Variants in RNLS observed in about 807,000 individuals in gnomAD.
RNLS encodes the protein renalase, FAD dependent amine oxidase.
A neutral mutation model predicts 39.8 loss-of-function variants in RNLS; 39 were observed. That is an observed-to-expected ratio of 0.98 (90% CI 0.76 to 1.28). RNLS has a LOEUF of 1.28. RNLS is among the 50% of genes most tolerant of loss of function. The pLI is 0.00. For synonymous variants in RNLS, 147 were observed against 150.7 expected, an observed-to-expected ratio of 0.98 and a Z score of 0.18; for missense variants, 410 against 413.3, an observed-to-expected ratio of 0.99 and a Z score of 0.07.
At chr10:88,191,409 AT>A in the RNLS span, among the ~76,000 whole-genome samples, 1 of 141,526 alleles carries the variant, frequency 7.1e-6, no homozygotes, top group African/African-American at 3.1e-5. Context: ...AATTTTTTTC[AT>A]TGACAAATAA....
At chr10:88,337,389 C>G (rs1847581692) in intron 5 of RNLS, among the ~76,000 whole-genome samples, 1 of 152,194 alleles carries the variant, frequency 6.6e-6, no homozygotes, top group African/African-American at 2.4e-5. Flanking sequence ...CACCCCTCCT[C>G]TACTTTCAGC....
At chr10:88,230,062 A>G in the RNLS span, among the ~76,000 whole-genome samples, 26 of 152,216 alleles carry the variant, frequency 1.7e-4, no homozygotes, top group East Asian at 3.3e-3. Context: ...CATGACTTGG[A>G]GAAATGGAGT....
chr10:88,365,899 G>C (rs929078832), intron 4 of RNLS, among the ~76,000 whole-genome samples: 10 of 152,002 alleles, frequency 6.6e-5, no homozygotes, highest in Admixed American at 6.6e-5. Flanking sequence ...TATTCTCTTA[G>C]TTTCCAAACC....
At chr10:88,385,547 C>A (rs1211670145) in intron 4 of RNLS, among the ~76,000 whole-genome samples, 1 of 152,236 alleles carries the variant, frequency 6.6e-6, no homozygotes, top group Non-Finnish European at 1.5e-5. Flanking sequence ...GTGTTTCCAA[C>A]TTGCTAACTG....
At chr10:88,236,865 C>T in the RNLS span, among the ~76,000 whole-genome samples, 66 of 152,178 alleles carry the variant, frequency 4.3e-4, no homozygotes, top group East Asian at 1.9e-3. Context: ...GTACAAGCAT[C>T]GAGAAAGGGC....
the RNLS span, among the ~76,000 whole-genome samples, chr10:88,178,463 A>G: frequency 1.3e-5 from 2 of 152,042 alleles, no homozygotes; most frequent in Non-Finnish European, 2.9e-5. Flanking sequence ...ACTCTCCTGT[A>G]GTTATGATTG....
At chr10:88,172,842 G>GTTTGTTTTTTTTTTTTTTTT in the RNLS span, among the ~76,000 whole-genome samples, 1 of 43,778 alleles carries the variant, frequency 2.3e-5, no homozygotes. Context: ...ATTTTGAGTT[G>GTTTGTTTTTTTTTTTTTTTT]TTTTTTTTTT....
intron 4 of RNLS, among the ~76,000 whole-genome samples, chr10:88,562,780 ATAG>A (rs1849268186): frequency 6.6e-6 from 1 of 152,170 alleles, no homozygotes; most frequent in South Asian, 2.1e-4. Flanking sequence ...AAAAAAATAA[ATAG>A]TAGATACCAA....
At chr10:88,467,549 T>C (rs1843283765) in intron 4 of RNLS, among the ~76,000 whole-genome samples, 1 of 152,164 alleles carries the variant, frequency 6.6e-6, no homozygotes, top group African/African-American at 2.4e-5. Flanking sequence ...GCCTCATCAA[T>C]GACTACAGAA....
intron 4 of RNLS, among the ~76,000 whole-genome samples, chr10:88,456,035 CA>C (rs1842610661): frequency 6.6e-6 from 1 of 152,156 alleles, no homozygotes; most frequent in African/African-American, 2.4e-5. Context: ...CATTCTTTGA[CA>C]AAACCCAGTC....
At chr10:88,461,456 T>TA (rs1842931762) in intron 4 of RNLS, among the ~76,000 whole-genome samples, 1 of 152,152 alleles carries the variant, frequency 6.6e-6, no homozygotes, top group Non-Finnish European at 1.5e-5. Context: ...TCAGTAATCA[T>TA]AGATCAAAGC....
At chr10:88,468,666 C>T (rs952694495) in intron 4 of RNLS, among the ~76,000 whole-genome samples, 3 of 152,160 alleles carry the variant, frequency 2.0e-5, no homozygotes, top group African/African-American at 7.2e-5. Context: ...ACCAGGAAAA[C>T]TCCTGCACTT....
intron 4 of RNLS, among the ~76,000 whole-genome samples, chr10:88,554,798 AT>A (rs1848772639): frequency 6.6e-6 from 1 of 152,156 alleles, no homozygotes; most frequent in Admixed American, 6.6e-5. Context: ...TACATAATCA[AT>A]TTTCCCCTTT....
At position 88,362,544 on chromosome 10, in the gene RNLS, G is replaced by GT; in HGVS notation, c.700+7dup. ...GCTGTATTTAAGGGAAATAATAGGGGTACTGACCTATATTGCGCTTCTTAT... is the reference window on the plus strand; with the variant it reads ...GCTGTATTTAAGGGAAATAATAGGGGTTACTGACCTATATTGCGCTTCTTAT... On this transcript the variant is annotated splice_region_variant and intron_variant, in intron 5 of 6. Transcript: ENST00000331772. The GT allele has an allele frequency of 6.2e-7, 1 of 1,612,394 alleles. No homozygotes were observed. Among genetic ancestry groups the GT allele is most frequent in the Non-Finnish European group, 8.5e-7 (1 of 1,178,942 alleles).
chr10:88,475,909 C>A (rs1306134554), intron 4 of RNLS, among the ~76,000 whole-genome samples: 1 of 152,114 alleles, frequency 6.6e-6, no homozygotes, highest in Non-Finnish European at 1.5e-5. Flanking sequence ...TCTAAAGCTG[C>A]ATAGGAAGCA....
At chr10:88,390,969 T>G (rs1363778016) in intron 4 of RNLS, among the ~76,000 whole-genome samples, 1 of 152,238 alleles carries the variant, frequency 6.6e-6, no homozygotes, top group Non-Finnish European at 1.5e-5. Flanking sequence ...TTCCCATAAA[T>G]GCAAATCCAA....
At chr10:88,525,527 G>A (rs1589955264) in intron 4 of RNLS, among the ~76,000 whole-genome samples, 1 of 151,978 alleles carries the variant, frequency 6.6e-6, no homozygotes, top group East Asian at 1.9e-4. Context: ...ACTTGCAATG[G>A]CTTCCTGGGC....
the RNLS span, among the ~76,000 whole-genome samples, chr10:88,177,313 A>G: frequency 6.6e-6 from 1 of 152,120 alleles, no homozygotes; most frequent in Non-Finnish European, 1.5e-5. Context: ...GGTTATTTTA[A>G]AAACCATCCT....
chr10:88,428,518 G>C (rs934615612), intron 4 of RNLS, among the ~76,000 whole-genome samples: 1 of 151,928 alleles, frequency 6.6e-6, no homozygotes, highest in Non-Finnish European at 1.5e-5. Context: ...ATGTGGTTTT[G>C]ACCCTTGGAG....
Sources: gnomAD v4.1 joint callset for allele counts (sites outside exome capture counted in the v4.1 genomes callset) on GRCh38, gnomAD v4.1.1 for gene constraint, MANE v1.5 for transcripts, NCBI Gene and HGNC (gene_info 2026-07-23, HGNC 2026-07-21) for gene names.